The following RPS6KA2 variants were observed in gnomAD, a reference collection of about 807,000 sequenced individuals.
RPS6KA2 encodes the protein ribosomal protein S6 kinase A2, also known as ribosomal protein S6 kinase alpha-2.
In RPS6KA2, 42 loss-of-function variants were observed where a neutral mutation model predicts 91.8. The observed-to-expected ratio is 0.46, with a 90% CI of 0.36 to 0.59. The LOEUF is 0.59. Among genes scored for constraint, RPS6KA2 ranks in the 20% least tolerant of loss-of-function variants. The pLI is 0.00. For missense variants in RPS6KA2, 798 were observed against 978.5 expected, an observed-to-expected ratio of 0.82 and a Z score of 2.46; for synonymous variants, 414 against 393.6, an observed-to-expected ratio of 1.05 and a Z score of -0.61.
rs143949176 is a variant in RPS6KA2 at position 166,620,550 on chromosome 6, A to G, written c.99+6371T>C. The stretch of plus-strand genomic sequence containing the variant: ...TATAAACTTAACATAGCTATAACCT[A>G]GGAAAAGCTAGTTTCATGGTGATAA... On this transcript the variant is annotated intron_variant, in intron 1 of 20. Transcript: ENST00000265678. Among the ~76,000 whole-genome samples the G allele has an allele frequency of 1.7e-3, 252 of 152,366 alleles. 1 individual carries two copies. Among genetic ancestry groups the G allele is most frequent in the African/African-American group, 5.7e-3 (239 of 41,588 alleles).
In RPS6KA2 at chr6:166,419,822, C is replaced by T. The variant is rs1268540836; in HGVS notation, c.1820+60G>A. The T allele has an allele frequency of 1.2e-5, 18 of 1,485,418 alleles. No individual in the cohort carries two copies. Among genetic ancestry groups the T allele is most frequent in the East Asian group, 2.3e-5 (1 of 44,070 alleles). 92.0% of individuals were successfully genotyped at this position (1,485,418 alleles called of 1,614,324 possible). A position where few individuals can be genotyped will look rare whatever the true frequency, so the allele number is the denominator to read the frequency against. On this transcript the variant is annotated intron_variant, in intron 18 of 20. Transcript: ENST00000265678. The surrounding 1 kb of genome is among the most constrained non-coding windows in gnomAD (Gnocchi z 5.6). The stretch of plus-strand genomic sequence containing the variant: ...GGCTGGCCCTGGTCCCCTGACAGAT[C>T]AGCCACTGAGGCTGCTGCCCTGTGT...
At position 166,764,879 on chromosome 6, in the gene RPS6KA2, CAT is replaced by C. The variant is rs530566379; in HGVS notation, c.123+93319_123+93320del. On this transcript the variant is annotated intron_variant, in intron 2 of 21. Coordinates refer to the RPS6KA2 transcript ENST00000503859. ...TACACAACGTGTGTGTGTTCACACA[CAT>C]GTGTATCAACACACATATGCAGGAA... 3.2e-3 allele frequency among the ~76,000 whole-genome samples: 484 copies of C among 152,372 alleles called. 2 individuals carry two copies. The highest frequency in any genetic ancestry group is 0.011 in the African/African-American group (454 of 41,588).
At chr6:166,453,561 C>A (rs1054843803) in intron 12 of RPS6KA2, among the ~76,000 whole-genome samples, 3 of 151,952 alleles carry the variant, frequency 2.0e-5, no homozygotes, top group African/African-American at 7.2e-5. Context: ...ACTAAAAAGT[C>A]AAAAAAATAA....
chr6:166,418,084 C>T lies in RPS6KA2; in HGVS notation c.1938+141G>A, dbSNP rs146743320. The T allele has an allele frequency of 3.6e-3, 2,332 of 647,896 alleles. 44 individuals are homozygous for T. The African/African-American group carries it at 0.038, about 11-fold the overall frequency. 40.1% of individuals were successfully genotyped at this position (647,896 alleles called of 1,614,324 possible). A position where few individuals can be genotyped will look rare whatever the true frequency, so the allele number is the denominator to read the frequency against. On this transcript the variant is annotated intron_variant, in intron 19 of 20. Transcript: ENST00000265678. The surrounding 1 kb of genome is among the most constrained non-coding windows in gnomAD (Gnocchi z 4.9). Reference sequence around the variant, plus strand: ...GCCTGGGTGAGACAGAGCGAGACTCCATTTCAAGAAAAAAAAAAAAATATG... The same window carrying T: ...GCCTGGGTGAGACAGAGCGAGACTCTATTTCAAGAAAAAAAAAAAAATATG...
At chr6:166,480,176 G>T (rs6930714) in intron 10 of RPS6KA2, among the ~76,000 whole-genome samples, 1 of 151,938 alleles carries the variant, frequency 6.6e-6, no homozygotes, top group African/African-American at 2.4e-5. Flanking sequence ...CCCTTCACCC[G>T]GAAGTTGGGA....
At chr6:166,751,488 C>G (rs4710091) in intron 2 of RPS6KA2, among the ~76,000 whole-genome samples, 2 of 151,424 alleles carry the variant, frequency 1.3e-5, no homozygotes, top group Non-Finnish European at 2.9e-5. Context: ...CACCGCAGGG[C>G]GTGGAGGAGG....
intron 2 of RPS6KA2, among the ~76,000 whole-genome samples, chr6:166,642,750 G>A (rs1447271477): frequency 6.7e-6 from 1 of 148,498 alleles, no homozygotes; most frequent in Non-Finnish European, 1.5e-5. Context: ...GAAAAAGCAG[G>A]ATAAGTAAAA....
intron 2 of RPS6KA2, among the ~76,000 whole-genome samples, chr6:166,707,323 G>A (rs1174229214): frequency 1.3e-5 from 2 of 152,254 alleles, no homozygotes; most frequent in Non-Finnish European, 2.9e-5. Context: ...CGGTTAGGGA[G>A]CTCCAACCAT....
Position 166,577,816 on chromosome 6 carries a change from G to A in RPS6KA2, c.100-39032C>T, listed in dbSNP as rs147233428. 2.1e-3 allele frequency among the ~76,000 whole-genome samples: 320 copies of A among 152,202 alleles called. 1 individual carries two copies. Among genetic ancestry groups the A allele is most frequent in the African/African-American group, 6.9e-3 (285 of 41,522 alleles). On this transcript the variant is annotated intron_variant, in intron 1 of 20. Transcript: ENST00000265678. Reference sequence around the variant, plus strand: ...ACATGAAATTTGGAGGGGCCTGGGCGGAATGATATAGTTTGGTTCTGCATC... The same window carrying A: ...ACATGAAATTTGGAGGGGCCTGGGCAGAATGATATAGTTTGGTTCTGCATC...
intron 1 of RPS6KA2, among the ~76,000 whole-genome samples, chr6:166,545,225 C>T (rs1232019705): frequency 6.6e-6 from 1 of 152,254 alleles, no homozygotes; most frequent in African/African-American, 2.4e-5. Flanking sequence ...CAAATGGATG[C>T]CGCAGAATCC....
At chr6:166,514,931 G>A (rs547349556) in intron 3 of RPS6KA2, among the ~76,000 whole-genome samples, 7 of 152,252 alleles carry the variant, frequency 4.6e-5, no homozygotes, top group South Asian at 4.2e-4. Context: ...CTGCATTCTC[G>A]GCCTGTTGAG....
intron 2 of RPS6KA2, among the ~76,000 whole-genome samples, chr6:166,834,900 T>C (rs1365825203): frequency 6.6e-6 from 1 of 152,098 alleles, no homozygotes; most frequent in Non-Finnish European, 1.5e-5. Flanking sequence ...TCTAGAAAAC[T>C]TTTGCCTAAA....
At chr6:166,422,687 G>C (rs1276759397) in intron 17 of RPS6KA2, among the ~76,000 whole-genome samples, 2 of 152,220 alleles carry the variant, frequency 1.3e-5, no homozygotes, top group African/African-American at 4.8e-5. Flanking sequence ...CCAGGTGCCT[G>C]CTAGCTGCTC....
At chr6:166,837,289 G>A (rs757009463) in intron 2 of RPS6KA2, among the ~76,000 whole-genome samples, 1 of 152,086 alleles carries the variant, frequency 6.6e-6, no homozygotes, top group Admixed American at 6.5e-5. Flanking sequence ...GGGGTGGAAG[G>A]CTCGGCCGCT....
chr6:166,667,968 A>C (rs933416672), intron 2 of RPS6KA2, among the ~76,000 whole-genome samples: 2 of 152,190 alleles, frequency 1.3e-5, no homozygotes, highest in African/African-American at 4.8e-5. Flanking sequence ...GCCAGAGGGG[A>C]AGAGCACAGC....
chr6:166,679,472 T>C (rs1188727369), intron 2 of RPS6KA2, among the ~76,000 whole-genome samples: 1 of 151,888 alleles, frequency 6.6e-6, no homozygotes, highest in Non-Finnish European at 1.5e-5. Context: ...TCAATAATAA[T>C]AATAATAATA....
chr6:166,473,940 GT>G (rs5881697), intron 10 of RPS6KA2, among the ~76,000 whole-genome samples: 22,604 of 112,048 alleles, frequency 0.2, 2,292 homozygotes, highest in East Asian at 0.51. Context: ...TTGTTTAAAG[GT>G]TTTTTTTTTT....
chr6:166,653,792 GA>G (rs1264005733), intron 2 of RPS6KA2, among the ~76,000 whole-genome samples: 1 of 152,192 alleles, frequency 6.6e-6, no homozygotes, highest in Non-Finnish European at 1.5e-5. Context: ...ACACACAAGA[GA>G]AATATCGGAA....
intron 2 of RPS6KA2, among the ~76,000 whole-genome samples, chr6:166,691,736 G>A (rs1266278568): frequency 2.0e-5 from 3 of 152,180 alleles, no homozygotes; most frequent in African/African-American, 4.8e-5. Flanking sequence ...ATCTTCAAAA[G>A]GAGTGGAGGC....
Sources: gnomAD v4.1 joint callset for allele counts (sites outside exome capture counted in the v4.1 genomes callset) on GRCh38, gnomAD v4.1.1 for gene constraint, Gnocchi (gnomAD v3.1) non-coding constraint, MANE v1.5 for transcripts, NCBI Gene and HGNC (gene_info 2026-07-23, HGNC 2026-07-21) for gene names.